The following SIPA1L1 variants were observed in gnomAD, a reference collection of about 807,000 sequenced individuals.
SIPA1L1 encodes signal-induced proliferation-associated 1-like protein 1.
SIPA1L1 carries 26 observed loss-of-function variants against 162.7 expected under a neutral mutation model. That is an observed-to-expected ratio of 0.16 (90% CI 0.12 to 0.22). SIPA1L1 has a LOEUF of 0.22. Among genes scored for constraint, SIPA1L1 ranks in the 10% least tolerant of loss-of-function variants. SIPA1L1 has a pLI of 1.00. For synonymous variants in SIPA1L1, 829 were observed against 837.4 expected, an observed-to-expected ratio of 0.99 and a Z score of 0.17; for missense variants, 1,874 against 2,241.0, an observed-to-expected ratio of 0.84 and a Z score of 3.31.
intron 13 of SIPA1L1, among the ~76,000 whole-genome samples, chr14:71,694,851 CTGTA>C (rs922584365): frequency 3.9e-5 from 6 of 152,302 alleles, no homozygotes; most frequent in African/African-American, 9.6e-5. Context: ...TGTGATCTTG[CTGTA>C]ACTTCACTGG....
At chr14:71,362,038 G>A (rs1434901862) in intron 2 of SIPA1L1, among the ~76,000 whole-genome samples, 1 of 152,208 alleles carries the variant, frequency 6.6e-6, no homozygotes, top group African/African-American at 2.4e-5. Flanking sequence ...GGAGTCACAT[G>A]TTTAGAAGTT....
chr14:71,635,805 A>G (rs924182485), intron 7 of SIPA1L1, among the ~76,000 whole-genome samples: 1 of 152,232 alleles, frequency 6.6e-6, no homozygotes, highest in Non-Finnish European at 1.5e-5. Flanking sequence ...TGGATTTTAA[A>G]AAGCATTATC....
chr14:71,739,479 G>C lies in SIPA1L1; in HGVS notation c.*318G>C. 6.0e-6 allele frequency: 1 copy of C among 167,668 alleles called. No individual in the cohort carries two copies. The highest frequency in any genetic ancestry group is 1.6e-4 in the East Asian group (1 of 6,190). The allele number at this position is 167,668 out of a possible 1,614,324, so 10.4% of individuals were successfully genotyped here. A position where few individuals can be genotyped will look rare whatever the true frequency, so the allele number is the denominator to read the frequency against. On this transcript the variant is annotated 3_prime_UTR_variant, in exon 24 of 24. Transcript: ENST00000381232. ...TAAGAAGAAACTGGGCCTTGGACCA[G>C]GGCGCCCCCTGGCCCATCCGCCTCT... is the stretch of plus-strand genomic sequence containing the variant.
chr14:71,597,055 A>C (rs1443991279), intron 5 of SIPA1L1, among the ~76,000 whole-genome samples: 3 of 152,074 alleles, frequency 2.0e-5, no homozygotes, highest in Non-Finnish European at 4.4e-5. Flanking sequence ...CTGCAGCCTC[A>C]AAGTCCTGGG....
intron 4 of SIPA1L1, among the ~76,000 whole-genome samples, chr14:71,553,813 T>G (rs914293846): frequency 6.6e-6 from 1 of 152,214 alleles, no homozygotes; most frequent in Non-Finnish European, 1.5e-5. Flanking sequence ...AACCTAGTTT[T>G]TAGTGTAGAA....
intron 2 of SIPA1L1, among the ~76,000 whole-genome samples, chr14:71,507,632 G>T (rs1354477586): frequency 1.3e-5 from 2 of 152,112 alleles, no homozygotes; most frequent in East Asian, 3.8e-4. Flanking sequence ...CTTACTCCTT[G>T]TACTTCCTTT....
At chr14:71,343,672 G>A (rs370471758) in intron 2 of SIPA1L1, among the ~76,000 whole-genome samples, 4 of 152,050 alleles carry the variant, frequency 2.6e-5, no homozygotes, top group African/African-American at 9.7e-5. Flanking sequence ...GCTCTGTCCA[G>A]TAAAAGGCTT....
At position 71,739,333 on chromosome 14, in the gene SIPA1L1, C is replaced by T. The variant is rs529707586; in HGVS notation, c.*172C>T. 1 of 445,556 alleles carries T rather than the reference C, an allele frequency of 2.2e-6. No individual in the cohort carries two copies. Among genetic ancestry groups the T allele is most frequent in the South Asian group, 1.1e-4 (1 of 8,980 alleles). The allele number at this position is 445,556 out of a possible 1,614,324, so 27.6% of individuals were successfully genotyped here. A position where few individuals can be genotyped will look rare whatever the true frequency, so the allele number is the denominator to read the frequency against. ...TTGCAGATCAACAATCATCACCTGCCTTTTGTAGAAAAGAAAAACAAAAAA... is the reference window on the plus strand; with the variant it reads ...TTGCAGATCAACAATCATCACCTGCTTTTTGTAGAAAAGAAAAACAAAAAA... On this transcript the variant is annotated 3_prime_UTR_variant, in exon 24 of 24. Transcript: ENST00000381232.
chr14:71,708,318 C>G (rs374648107), intron 16 of SIPA1L1, among the ~76,000 whole-genome samples: 6 of 147,496 alleles, frequency 4.1e-5, no homozygotes, highest in African/African-American at 1.2e-4. Context: ...TTTATTCTTT[C>G]TTTCTTTTTT....
chr14:71,477,074 G>A (rs1485720763), intron 2 of SIPA1L1, among the ~76,000 whole-genome samples: 1 of 152,092 alleles, frequency 6.6e-6, no homozygotes, highest in African/African-American at 2.4e-5. Context: ...GGCCAACATG[G>A]TGAAACCCCA....
At chr14:71,698,015 G>A (rs1052603502) in intron 13 of SIPA1L1, among the ~76,000 whole-genome samples, 5 of 152,014 alleles carry the variant, frequency 3.3e-5, no homozygotes, top group Non-Finnish European at 7.4e-5. Context: ...TTAGAGTCTA[G>A]AGACCTGACT....
chr14:71,658,549 CA>C (rs1476870476), intron 9 of SIPA1L1, 113 bp downstream of exon 9: 2 of 717,108 alleles, frequency 2.8e-6, no homozygotes, highest in Admixed American at 4.8e-5. Flanking sequence ...CCTGTCACAG[CA>C]GCGGGAAGCT....
chr14:71,433,275 C>G (rs146954471), intron 2 of SIPA1L1, among the ~76,000 whole-genome samples: 259 of 152,244 alleles, frequency 1.7e-3, no homozygotes, highest in Non-Finnish European at 2.5e-3. Flanking sequence ...TGGATATTTG[C>G]AAGATTAGAT....
At chr14:71,498,405 C>T (rs553669329) in intron 2 of SIPA1L1, among the ~76,000 whole-genome samples, 5 of 152,044 alleles carry the variant, frequency 3.3e-5, no homozygotes, top group Non-Finnish European at 7.4e-5. Context: ...TGGTTTACTG[C>T]TTTTATGAAA....
intron 2 of SIPA1L1, among the ~76,000 whole-genome samples, chr14:71,425,457 T>C (rs902018737): frequency 6.6e-6 from 1 of 152,160 alleles, no homozygotes; most frequent in Non-Finnish European, 1.5e-5. Flanking sequence ...TCCCCTGTGA[T>C]TTCTCCTTTG....
intron 2 of SIPA1L1, among the ~76,000 whole-genome samples, chr14:71,381,138 C>T (rs756692001): frequency 1.9e-4 from 29 of 152,150 alleles, no homozygotes; most frequent in African/African-American, 1.9e-4. Flanking sequence ...CTGCAACCTC[C>T]GCCTCCCGGG....
At chr14:71,450,447 T>G (rs184269336) in intron 2 of SIPA1L1, among the ~76,000 whole-genome samples, 13 of 152,336 alleles carry the variant, frequency 8.5e-5, no homozygotes, top group African/African-American at 3.1e-4. Flanking sequence ...GTAGCCAAAC[T>G]TTCTATATCA....
intron 5 of SIPA1L1, among the ~76,000 whole-genome samples, chr14:71,590,042 AAAATATATATATATAT>A (rs1421135894): frequency 3.3e-4 from 20 of 61,528 alleles, no homozygotes; most frequent in Admixed American, 4.1e-4. Context: ...AAAAAAAAAA[AAAATATATATATATAT>A]ATATATATAT....
chr14:71,596,110 A>G (rs1284694074), intron 5 of SIPA1L1, among the ~76,000 whole-genome samples: 5 of 152,208 alleles, frequency 3.3e-5, no homozygotes, highest in Non-Finnish European at 5.9e-5. Flanking sequence ...GGTCTGTGAA[A>G]GATAATTTCG....
Sources: gnomAD v4.1 joint callset for allele counts (sites outside exome capture counted in the v4.1 genomes callset) on GRCh38, gnomAD v4.1.1 for gene constraint, MANE v1.5 for transcripts, NCBI Gene and HGNC (gene_info 2026-07-23, HGNC 2026-07-21) for gene names.